Variants in GFRA2 observed in about 807,000 individuals in gnomAD.
The protein encoded by GFRA2 is GDNF family receptor alpha-2.
GFRA2 carries 17 observed loss-of-function variants against 48.3 expected under a neutral mutation model. The observed-to-expected ratio is 0.35, with a 90% CI of 0.24 to 0.53. The LOEUF is 0.53. GFRA2 is among the 20% of genes least tolerant of loss of function. The pLI, the probability that GFRA2 is intolerant of heterozygous loss-of-function variation, is 0.93. For synonymous variants in GFRA2, 305 were observed against 257.2 expected (o/e 1.19, Z -1.78); for missense variants, 660 against 637.3 (o/e 1.04, Z -0.38).
At chr8:21,749,451 G>A (rs1468782407) in intron 4 of GFRA2, among the ~76,000 whole-genome samples, 2 of 151,870 alleles carry the variant, frequency 1.3e-5, no homozygotes, top group Non-Finnish European at 2.9e-5. Flanking sequence ...CACAGCTAAT[G>A]AGTGGTAAAG....
At chr8:21,803,496 T>A (rs1807807053) in intron 2 of GFRA2, among the ~76,000 whole-genome samples, 2 of 152,300 alleles carry the variant, frequency 1.3e-5, no homozygotes, top group Non-Finnish European at 1.5e-5. Flanking sequence ...AGCCAAGCAA[T>A]TCCTGGGCTA....
rs370805510 is a variant in GFRA2 at position 21,759,365 on chromosome 8, G to A, written c.440-8423C>T. ...CGCACCATTGCACTCCAACCTGGGC[G>A]ACAGAGTGAGGCTCTGGCTCAAAAA... On this transcript the variant is annotated intron_variant, in intron 3 of 8. Coordinates refer to ENST00000524240, the MANE Select transcript of GFRA2 (RefSeq NM_001495.5). Among the ~76,000 whole-genome samples, 34 of 147,438 alleles carry A rather than the reference G, an allele frequency of 2.3e-4. No individual in the cohort carries two copies. In the East Asian group the frequency reaches 2.7e-3, roughly 12 times the overall value.
chr8:21,782,158 T>C (rs1249017718), intron 2 of GFRA2, among the ~76,000 whole-genome samples: 1 of 152,060 alleles, frequency 6.6e-6, no homozygotes, highest in Non-Finnish European at 1.5e-5. Flanking sequence ...AGCCTGCCCC[T>C]TCTCTCTCCT....
intron 2 of GFRA2, among the ~76,000 whole-genome samples, chr8:21,803,171 C>T (rs368205041): frequency 8.9e-4 from 135 of 152,342 alleles, no homozygotes; most frequent in African/African-American, 2.4e-3. Context: ...TCCAGGCTGA[C>T]TCGTGCATTA....
At chr8:21,739,172 T>G (rs548858982) in intron 4 of GFRA2, among the ~76,000 whole-genome samples, 1 of 152,180 alleles carries the variant, frequency 6.6e-6, no homozygotes, top group South Asian at 2.1e-4. Flanking sequence ...GATCTCCAAA[T>G]TTCCCTCTCC....
intron 1 of GFRA2, among the ~76,000 whole-genome samples, chr8:21,784,811 A>T (rs1232963849): frequency 6.6e-6 from 1 of 152,112 alleles, no homozygotes; most frequent in Non-Finnish European, 1.5e-5. Flanking sequence ...GAGGCCCGGC[A>T]CTGGCTGGAG....
chr8:21,809,520 G>T (rs1316560315), intron 1 of GFRA2, among the ~76,000 whole-genome samples: 2 of 152,088 alleles, frequency 1.3e-5, no homozygotes, highest in South Asian at 4.2e-4. Context: ...GTAGAAAAGG[G>T]GTTTCACCGT....
chr8:21,774,067 T>C (rs1806567612), intron 3 of GFRA2, among the ~76,000 whole-genome samples: 1 of 152,178 alleles, frequency 6.6e-6, no homozygotes, highest in Admixed American at 6.5e-5. Context: ...CGAGATTTCC[T>C]GTGCTCAAAG....
intron 2 of GFRA2, among the ~76,000 whole-genome samples, chr8:21,800,215 C>T (rs1287284369): frequency 3.3e-5 from 5 of 152,232 alleles, no homozygotes; most frequent in African/African-American, 1.2e-4. Flanking sequence ...CAATCTCAAT[C>T]AATCACTGAA....
chr8:21,750,756 T>C lies in GFRA2; in HGVS notation c.626A>G (p.Asp209Gly), dbSNP rs749417514. The C allele has an allele frequency of 6.2e-7, 1 of 1,613,912 alleles. No individual in the cohort carries two copies. Among genetic ancestry groups the C allele is most frequent in the Non-Finnish European group, 8.5e-7 (1 of 1,179,882 alleles). ...GTAGGTGTACTCGCTGGGCACCCGG[T>C]CGAAGAACTGGCGCAGGGCCTTGTG... ...KCHKALRQFF[D>G]RVPSEYTYRM... Residue 209 changes from aspartate to glycine, a missense_variant, in exon 4 of 9, where the codon GAC becomes GGC. Asp to Gly is a moderately conservative substitution (Grantham distance 94, BLOSUM62 -1). Transcript: ENST00000524240. This position sits in a 1 kb window ranked among gnomAD's most constrained non-coding sequence, Gnocchi z 5.7.
chr8:21,755,302 G>A (rs1805514649), intron 3 of GFRA2, among the ~76,000 whole-genome samples: 1 of 152,112 alleles, frequency 6.6e-6, no homozygotes, highest in Non-Finnish European at 1.5e-5. Context: ...TGAAGAGGCT[G>A]TGCCTGGGGA....
At chr8:21,797,755 GCT>G (rs1807703716) in intron 2 of GFRA2, 1 of 152,112 alleles carries the variant, frequency 6.6e-6, no homozygotes, top group Non-Finnish European at 1.5e-5. Context: ...TGTTGCCCAG[GCT>G]GGTGAGTGGT....
intron 3 of GFRA2, among the ~76,000 whole-genome samples, chr8:21,752,931 T>C (rs944404773): frequency 6.6e-6 from 1 of 152,136 alleles, no homozygotes; most frequent in African/African-American, 2.4e-5. Context: ...TGCTGCCACC[T>C]GGATCTGAGC....
At chr8:21,811,572 G>A (rs932463204) in intron 1 of GFRA2, among the ~76,000 whole-genome samples, 17 of 152,026 alleles carry the variant, frequency 1.1e-4, no homozygotes, top group South Asian at 2.1e-4. Context: ...GAACAGTCTC[G>A]GCTTGAGCTT....
At chr8:21,722,662 G>A (rs1329085043) in intron 4 of GFRA2, among the ~76,000 whole-genome samples, 2 of 152,110 alleles carry the variant, frequency 1.3e-5, no homozygotes, top group African/African-American at 4.8e-5. Context: ...CACTCCAACC[G>A]ATACACGCGT....
intron 2 of GFRA2, among the ~76,000 whole-genome samples, chr8:21,776,906 G>A (rs996722818): frequency 6.6e-6 from 1 of 152,172 alleles, no homozygotes; most frequent in Non-Finnish European, 1.5e-5. Context: ...ACTCCTTGGG[G>A]TGGGGTTACC....
chr8:21,722,396 A>T (rs1349882381), intron 4 of GFRA2, among the ~76,000 whole-genome samples: 2 of 152,360 alleles, frequency 1.3e-5, no homozygotes, highest in East Asian at 1.9e-4. Flanking sequence ...AAGATGAAAA[A>T]TACAGCAAAC....
chr8:21,706,398 G>A, intron 4 of GFRA2: 1 of 473,098 alleles, frequency 2.1e-6, no homozygotes, highest in Non-Finnish European at 4.2e-6. Flanking sequence ...AGGAAAGCTG[G>A]GTCCACCTTC....
intron 1 of GFRA2, 168 bp from the exon 2 acceptor site, chr8:21,783,067 G>A (rs1807092886): frequency 4.2e-6 from 3 of 721,824 alleles, no homozygotes; most frequent in Middle Eastern, 2.3e-4. Flanking sequence ...GGAGAACTCA[G>A]GCATCATCCT....
Sources: allele counts gnomAD v4.1 joint callset (sites outside exome capture counted in the v4.1 genomes callset), GRCh38; gene constraint gnomAD v4.1.1; non-coding constraint Gnocchi (gnomAD v3.1); transcripts MANE v1.5; gene names NCBI Gene and HGNC (gene_info 2026-07-23, HGNC 2026-07-21).